CMSS1: variants seen among roughly 807,000 people sequenced by gnomAD.
The protein encoded by CMSS1 is protein CMSS1.
Under a neutral mutation model 43.5 loss-of-function variants are expected in CMSS1, and 33 were observed. The ratio of observed to expected loss-of-function variants is 0.76; its 90% CI spans 0.57 to 1.01. CMSS1 has a LOEUF of 1.01. Among genes scored for constraint, CMSS1 ranks in the 50% least tolerant of loss-of-function variants. The pLI is 0.00. For missense variants in CMSS1, 313 were observed against 326.4 expected (o/e 0.96, Z 0.32); for synonymous variants, 115 against 117.2 (o/e 0.98, Z 0.12).
intron 1 of CMSS1, among the ~76,000 whole-genome samples, chr3:99,844,325 T>A (rs977682256): frequency 6.6e-6 from 1 of 152,214 alleles, no homozygotes; most frequent in African/African-American, 2.4e-5. Context: ...ACAGGTATCT[T>A]GGATTTTACT....
intron 1 of CMSS1, among the ~76,000 whole-genome samples, chr3:99,977,577 G>C (rs961507447): frequency 2.0e-5 from 3 of 152,012 alleles, no homozygotes; most frequent in Admixed American, 2.0e-4. Flanking sequence ...TTATTTTAGT[G>C]TCTCCATGAA....
chr3:99,824,370 CA>C (rs1356665455), intron 1 of CMSS1, among the ~76,000 whole-genome samples: 2 of 152,202 alleles, frequency 1.3e-5, no homozygotes, highest in Admixed American at 6.5e-5. Context: ...TAATTCTCAG[CA>C]GAGCACTTAG....
chr3:100,156,611 T>G (rs1024180828), intron 2 of CMSS1, among the ~76,000 whole-genome samples: 3 of 151,040 alleles, frequency 2.0e-5, no homozygotes, highest in Admixed American at 6.6e-5. Flanking sequence ...GCAGCCTTTT[T>G]GTTTGTTTTT....
intron 1 of CMSS1, among the ~76,000 whole-genome samples, chr3:100,001,157 A>G (rs1292660300): frequency 6.6e-6 from 1 of 152,232 alleles, no homozygotes; most frequent in Non-Finnish European, 1.5e-5. Context: ...TTAAGTGGTG[A>G]TAAATTTAGT....
intron 8 of CMSS1, 117 bp downstream of exon 8, chr3:100,172,520 G>A: frequency 4.1e-6 from 3 of 736,786 alleles, no homozygotes; most frequent in Non-Finnish European, 6.7e-6. Context: ...GTTAATTCAG[G>A]AATTGGAAAC....
At chr3:99,876,329 T>C (rs1352420800) in intron 1 of CMSS1, 2 of 492,304 alleles carry the variant, frequency 4.1e-6, no homozygotes, top group Middle Eastern at 9.8e-4. Flanking sequence ...CTCCCGCGGA[T>C]GTTCCGGCCG....
intron 1 of CMSS1, among the ~76,000 whole-genome samples, chr3:100,092,962 C>T (rs2066138617): frequency 6.6e-6 from 1 of 151,886 alleles, no homozygotes; most frequent in Admixed American, 6.6e-5. Context: ...ATAACTCTCA[C>T]TACCTATGGA....
chr3:100,176,942 A>G (rs907167251), intron 9 of CMSS1, among the ~76,000 whole-genome samples: 2 of 152,222 alleles, frequency 1.3e-5, no homozygotes, highest in African/African-American at 4.8e-5. Flanking sequence ...TTATGGGCAC[A>G]GTATTAGCTC....
rs1441889525 is a variant in CMSS1, at chr3:100,179,765, C to T, written c.*1377C>T. On this transcript the variant is annotated 3_prime_UTR_variant, in exon 10 of 10. Coordinates refer to ENST00000421999, the MANE Select transcript of CMSS1 (RefSeq NM_032359.4). The stretch of plus-strand genomic sequence containing the variant: ...GTCTGGAGGATGATGGCTCTCTTCT[C>T]ACAGCTCCACTAGGCAGTGCCCCAG... 6.6e-6 allele frequency: 1 copy of T among 152,420 alleles called. No homozygotes were observed. Among genetic ancestry groups the T allele is most frequent in the Non-Finnish European group, 1.5e-5 (1 of 68,214 alleles). 9.4% of individuals were successfully genotyped at this position (152,420 alleles called of 1,614,324 possible).
At chr3:99,865,360 TTA>T (rs1944461960) in intron 1 of CMSS1, among the ~76,000 whole-genome samples, 2 of 152,144 alleles carry the variant, frequency 1.3e-5, no homozygotes, top group African/African-American at 4.8e-5. Flanking sequence ...ATCTCATATA[TTA>T]TATCTCATGA....
At chr3:100,028,022 G>A (rs1168940548) in intron 1 of CMSS1, among the ~76,000 whole-genome samples, 1 of 152,130 alleles carries the variant, frequency 6.6e-6, no homozygotes, top group Non-Finnish European at 1.5e-5. Context: ...GAAATGATGG[G>A]GTTGGATTTA....
intron 1 of CMSS1, among the ~76,000 whole-genome samples, chr3:100,007,091 A>T (rs578034730): frequency 5.5e-4 from 83 of 152,010 alleles, no homozygotes; most frequent in African/African-American, 2.0e-3. Flanking sequence ...CAGTTTTCTG[A>T]CTCGCTTTTT....
intron 1 of CMSS1, among the ~76,000 whole-genome samples, chr3:100,067,166 C>CTGTTT (rs10662415): frequency 2.7e-5 from 4 of 150,866 alleles, no homozygotes; most frequent in Non-Finnish European, 1.5e-5. Flanking sequence ...TTTTTGATCT[C>CTGTTT]GTTTGTTTGT....
intron 1 of CMSS1, among the ~76,000 whole-genome samples, chr3:100,129,645 C>G (rs1256776426): frequency 6.6e-6 from 1 of 152,088 alleles, no homozygotes; most frequent in Non-Finnish European, 1.5e-5. Context: ...TAACTATGTT[C>G]CAGAAGCCTA....
chr3:100,026,107 G>A (rs1001047296), intron 1 of CMSS1, among the ~76,000 whole-genome samples: 1 of 152,060 alleles, frequency 6.6e-6, no homozygotes, highest in South Asian at 2.1e-4. Context: ...TTTTTACCAC[G>A]AGGCTGGACG....
At chr3:99,959,659 G>A (rs956149899) in intron 1 of CMSS1, among the ~76,000 whole-genome samples, 5 of 152,070 alleles carry the variant, frequency 3.3e-5, no homozygotes, top group Non-Finnish European at 5.9e-5. Flanking sequence ...TTTAGAGATG[G>A]AACAAAATTA....
At chr3:99,828,802 T>C (rs547843202) in intron 1 of CMSS1, among the ~76,000 whole-genome samples, 1 of 152,168 alleles carries the variant, frequency 6.6e-6, no homozygotes, top group East Asian at 1.9e-4. Context: ...CTCTTCCTGC[T>C]TTCCTTTCAC....
intron 1 of CMSS1, among the ~76,000 whole-genome samples, chr3:100,035,086 A>G (rs1457777828): frequency 6.6e-6 from 1 of 152,154 alleles, no homozygotes; most frequent in Admixed American, 6.5e-5. Flanking sequence ...TTGATCTGTT[A>G]TCATAAATGT....
At chr3:100,119,573 C>G (rs545776243) in intron 1 of CMSS1, among the ~76,000 whole-genome samples, 2 of 152,236 alleles carry the variant, frequency 1.3e-5, no homozygotes, top group Non-Finnish European at 2.9e-5. Flanking sequence ...CAATACACAA[C>G]ACATCATAGA....
Sources: allele counts gnomAD v4.1 joint callset (sites outside exome capture counted in the v4.1 genomes callset), GRCh38; gene constraint gnomAD v4.1.1; transcripts MANE v1.5; gene names NCBI Gene and HGNC (gene_info 2026-07-23, HGNC 2026-07-21).